DYNAP: variants seen among roughly 807,000 people sequenced by gnomAD.
DYNAP encodes dynactin associated protein.
In DYNAP, 7 loss-of-function variants were observed where a neutral mutation model predicts 8.5. That is an observed-to-expected ratio of 0.82 (90% confidence interval 0.47 to 1.54). The LOEUF is 1.54. DYNAP is among the 40% of genes most tolerant of loss of function. The pLI, the probability that DYNAP is intolerant of heterozygous loss-of-function variation, is 0.01. For synonymous variants in DYNAP, 77 were observed against 77.9 expected (o/e 0.99, Z 0.06); for missense variants, 256 against 224.3 (o/e 1.14, Z -0.90).
upstream of DYNAP, among the ~76,000 whole-genome samples, chr18:54,586,457 A>G (rs1314990109): frequency 6.6e-6 from 1 of 152,172 alleles, no homozygotes; most frequent in Non-Finnish European, 1.5e-5. Context: ...CTCTGTTTTC[A>G]TGGGCTGGTC....
At chr18:54,590,002 T>C (rs2144884933), upstream of DYNAP, among the ~76,000 whole-genome samples, 1 of 152,278 alleles carries the variant, frequency 6.6e-6, no homozygotes, top group African/African-American at 2.4e-5. Flanking sequence ...TAAATTGTGG[T>C]AAAATACATA....
chr18:54,576,653 A>T, the DYNAP span, among the ~76,000 whole-genome samples: 2 of 151,280 alleles, frequency 1.3e-5, no homozygotes. Flanking sequence ...ATAAAAAAAA[A>T]TGAGCTGAGA....
Position 54,598,038 on chromosome 18 carries a change from A to G in DYNAP, c.448A>G (p.Thr150Ala). 6.2e-7 allele frequency: 1 copy of G among 1,613,502 alleles called. No homozygotes were observed. Among genetic ancestry groups the G allele is most frequent in the Non-Finnish European group, 8.5e-7 (1 of 1,179,740 alleles). ...SPACPPTMTT[T>A]STVPASTATE... ...TGCTTGTCCACCTACAATGACCACC[A>G]CTTCAACTGTACCTGCAAGTACAGC... The change falls in exon 3 of 3, where the codon ACT becomes GCT. Residue 150 changes from threonine to alanine, a missense_variant. By Grantham distance (58) the Thr-to-Ala change is moderately conservative (BLOSUM62 0). Coordinates refer to ENST00000648945, the MANE Select transcript of DYNAP (RefSeq NM_173629.3).
rs754389075 is a variant in DYNAP, at chr18:54,597,846, T to C, written c.256T>C (p.Trp86Arg). ...KEYCRNDWSMWKVFLACLLAC... is the reference protein window; with the variant it reads ...KEYCRNDWSMRKVFLACLLAC... The stretch of plus-strand genomic sequence containing the variant: ...ATATTGCCGCAATGACTGGTCTATG[T>C]GGAAAGTCTTCCTGGCTTGTCTCTT... The change falls in exon 3 of 3, where the codon TGG becomes CGG. Residue 86 changes from tryptophan (W) to arginine (R), a missense_variant. Trp to Arg is a moderately radical substitution (Grantham distance 101). Transcript: ENST00000648945. 2.5e-6 allele frequency: 4 copies of C among 1,612,622 alleles called. No individual in the cohort carries two copies. Among genetic ancestry groups the C allele is most frequent in the Non-Finnish European group, 2.5e-6 (3 of 1,178,922 alleles).
chr18:54,591,065 T>A, upstream of DYNAP: 1 of 796,852 alleles, frequency 1.3e-6, no homozygotes. Context: ...GAAGTACTGG[T>A]TTTCTTGCGT....
At chr18:54,585,247 T>A (rs142824792), upstream of DYNAP, among the ~76,000 whole-genome samples, 12 of 152,214 alleles carry the variant, frequency 7.9e-5, 1 homozygote, top group East Asian at 1.9e-3. Flanking sequence ...CTTTTTTTTT[T>A]AACTAACACT....
chr18:54,576,612 A>G, the DYNAP span, among the ~76,000 whole-genome samples: 2 of 150,634 alleles, frequency 1.3e-5, no homozygotes, highest in Non-Finnish European at 3.0e-5. Context: ...CAGCCTGAGC[A>G]ACATAGTGAG....
At chr18:54,590,334 CATCGT>C (rs1368308114), upstream of DYNAP, among the ~76,000 whole-genome samples, 7 of 152,106 alleles carry the variant, frequency 4.6e-5, no homozygotes, top group Non-Finnish European at 7.4e-5. Flanking sequence ...TGTAGCAAAT[CATCGT>C]ATTTTAAACT....
chr18:54,585,872 A>G (rs912693673), upstream of DYNAP, among the ~76,000 whole-genome samples: 1 of 152,072 alleles, frequency 6.6e-6, no homozygotes, highest in Non-Finnish European at 1.5e-5. Flanking sequence ...AGGTGGATGA[A>G]AGGAGCCAAG....
chr18:54,583,329 C>A (rs1465208068), upstream of DYNAP, among the ~76,000 whole-genome samples: 1 of 152,162 alleles, frequency 6.6e-6, no homozygotes, highest in Non-Finnish European at 1.5e-5. Context: ...TATTTATTAT[C>A]TGTTGAAGCT....
At chr18:54,586,047 C>A (rs549998245), upstream of DYNAP, among the ~76,000 whole-genome samples, 1 of 152,166 alleles carries the variant, frequency 6.6e-6, no homozygotes, top group Non-Finnish European at 1.5e-5. Context: ...ATCTGATAAC[C>A]TAGTTATGGT....
At chr18:54,590,310 AGGTT>A (rs1250233660), upstream of DYNAP, among the ~76,000 whole-genome samples, 5 of 152,160 alleles carry the variant, frequency 3.3e-5, no homozygotes, top group East Asian at 9.6e-4. Context: ...AATGTCCTCA[AGGTT>A]CATCTGTGTT....
At chr18:54,585,330 A>T (rs1910838861), upstream of DYNAP, among the ~76,000 whole-genome samples, 1 of 151,816 alleles carries the variant, frequency 6.6e-6, no homozygotes. Flanking sequence ...TGTATTGTTC[A>T]TTTTTCAATT....
In DYNAP at chr18:54,597,858, C is replaced by T. The variant is rs758183374; in HGVS notation, c.268C>T (p.Leu90=). 7.4e-6 allele frequency: 12 copies of T among 1,613,220 alleles called. No homozygotes were observed. The Admixed American group carries it at 1.5e-4, about 20-fold the overall frequency. ...RNDWSMWKVF[L]ACLLACVIMT... The stretch of plus-strand genomic sequence containing the variant: ...TGACTGGTCTATGTGGAAAGTCTTC[C>T]TGGCTTGTCTCTTAGCCTGTGTGAT... The change falls in exon 3 of 3, where the codon CTG becomes TTG. Residue 90 remains leucine (L), a synonymous_variant. Coordinates refer to ENST00000648945, the MANE Select transcript of DYNAP (RefSeq NM_173629.3).
chr18:54,586,022 C>A (rs1490468840), upstream of DYNAP, among the ~76,000 whole-genome samples: 1 of 152,176 alleles, frequency 6.6e-6, no homozygotes, highest in East Asian at 1.9e-4. Context: ...GAGTTGACCC[C>A]AATCTCGGGT....
chr18:54,582,022 C>T, the DYNAP span, among the ~76,000 whole-genome samples: 2 of 152,180 alleles, frequency 1.3e-5, no homozygotes, highest in Non-Finnish European at 2.9e-5. Context: ...CGCGATGGCT[C>T]ACGCCTGTAA....
intron 2 of DYNAP, among the ~76,000 whole-genome samples, chr18:54,597,591 A>C (rs1911349913): frequency 1.3e-5 from 2 of 152,136 alleles, no homozygotes; most frequent in African/African-American, 4.8e-5. Context: ...TGGAAAATAG[A>C]ATAAGAGAAG....
chr18:54,575,837 G>A, the DYNAP span, among the ~76,000 whole-genome samples: 3 of 151,646 alleles, frequency 2.0e-5, no homozygotes, highest in Admixed American at 6.6e-5. Context: ...GCACACACAC[G>A]TGCCCGTCAC....
chr18:54,595,247 G>C, intron 2 of DYNAP, 144 bp downstream of exon 2: 1 of 945,828 alleles, frequency 1.1e-6, no homozygotes, highest in Non-Finnish European at 1.4e-6. Context: ...CTCAGTATAG[G>C]TACAAGTCAC....
Sources: allele counts gnomAD v4.1 joint callset (sites outside exome capture counted in the v4.1 genomes callset), GRCh38; gene constraint gnomAD v4.1.1; transcripts MANE v1.5; gene names NCBI Gene and HGNC (gene_info 2026-07-23, HGNC 2026-07-21).